Variants in GPC5 observed in about 807,000 individuals in gnomAD.
GPC5 encodes glypican 5.
GPC5 carries 47 observed loss-of-function variants against 53.9 expected under a neutral mutation model. That is an observed-to-expected ratio of 0.87 (90% CI 0.69 to 1.11). The LOEUF (loss-of-function observed/expected upper bound fraction) is 1.11. GPC5 is among the 50% of genes most tolerant of loss of function. The probability of loss-of-function intolerance (pLI) is 0.00; values close to 1 mark genes in which losing one functional copy is unlikely to be tolerated. For missense variants in GPC5, 748 were observed against 713.1 expected (o/e 1.05, Z -0.56); for synonymous variants, 286 against 263.3 (o/e 1.09, Z -0.84).
chr13:91,436,091 G>T (rs935290284), intron 1 of GPC5, among the ~76,000 whole-genome samples: 1 of 151,962 alleles, frequency 6.6e-6, no homozygotes, highest in Admixed American at 6.6e-5. Context: ...TTCTTTATTA[G>T]TCTTGCTAGC....
chr13:92,458,728 G>C (rs547993634), intron 7 of GPC5, among the ~76,000 whole-genome samples: 2 of 152,206 alleles, frequency 1.3e-5, no homozygotes, highest in Admixed American at 1.3e-4. Flanking sequence ...TTGAATCAGA[G>C]CTCTGAGTTT....
chr13:92,402,440 A>G (rs2139338329), intron 7 of GPC5, among the ~76,000 whole-genome samples: 1 of 152,306 alleles, frequency 6.6e-6, no homozygotes, highest in Non-Finnish European at 1.5e-5. Context: ...TTTGAGCCAC[A>G]TTAGTATTTT....
intron 7 of GPC5, among the ~76,000 whole-genome samples, chr13:92,857,707 C>T (rs1239762181): frequency 6.6e-6 from 1 of 151,900 alleles, no homozygotes; most frequent in African/African-American, 2.4e-5. Context: ...AACCAATAAA[C>T]ATATGAAAAA....
rs145943868 is a variant in GPC5 at position 91,704,738 on chromosome 13, G to A, written c.1020+10857G>A. On this transcript the variant is annotated intron_variant, in intron 3 of 7. Transcript: ENST00000377067. ...TCAATAGTCATATTACATGATCCTC[G>A]GAGTAAGGACTAAGCTCTGTAGGCC... is the stretch of plus-strand genomic sequence containing the variant. Among the ~76,000 whole-genome samples the A allele has an allele frequency of 2.0e-3, 298 of 152,298 alleles. 1 individual carries two copies. The highest frequency in any genetic ancestry group is 6.6e-3 in the African/African-American group (276 of 41,564).
intron 2 of GPC5, among the ~76,000 whole-genome samples, chr13:91,514,217 T>C (rs978351549): frequency 2.0e-5 from 3 of 152,164 alleles, no homozygotes; most frequent in Admixed American, 2.0e-4. Context: ...TTATAAGAAA[T>C]TACAAATTTT....
rs80345709 is a variant in GPC5, at chr13:91,735,240, T to C, written c.1154+6575T>C. ...TGGTTTTTTCTCTTATTATACATAA[T>C]ACATAGGGAATATATCTGTATATAT... is the stretch of plus-strand genomic sequence containing the variant. On this transcript the variant is annotated intron_variant, in intron 4 of 7. Transcript: ENST00000377067. Among the ~76,000 whole-genome samples, 210 of 151,350 alleles carry C rather than the reference T, an allele frequency of 1.4e-3. 11 individuals carry two copies. The highest frequency in any genetic ancestry group is 4.9e-3 in the African/African-American group (199 of 40,740).
intron 7 of GPC5, among the ~76,000 whole-genome samples, chr13:92,237,028 C>T (rs190652588): frequency 6.6e-6 from 1 of 151,932 alleles, no homozygotes; most frequent in Non-Finnish European, 1.5e-5. Context: ...GGTTGCATAT[C>T]ACAATATTAA....
chr13:92,524,213 C>T (rs1424476768), intron 7 of GPC5, among the ~76,000 whole-genome samples: 1 of 152,010 alleles, frequency 6.6e-6, no homozygotes, highest in African/African-American at 2.4e-5. Flanking sequence ...CCTTTCAAAC[C>T]ACATCTCTCC....
intron 7 of GPC5, among the ~76,000 whole-genome samples, chr13:92,731,430 A>C (rs570479533): frequency 7.9e-4 from 120 of 151,588 alleles, no homozygotes; most frequent in Non-Finnish European, 1.7e-3. Flanking sequence ...AAATATATTC[A>C]TGAACATATA....
intron 2 of GPC5, among the ~76,000 whole-genome samples, chr13:91,610,148 A>G (rs78393698): frequency 0.011 from 1,711 of 152,330 alleles, 26 homozygotes; most frequent in Middle Eastern, 0.044. Flanking sequence ...GACAGTGGAT[A>G]TATCTAAAGT....
chr13:92,773,281 C>T (rs1875677272), intron 7 of GPC5, among the ~76,000 whole-genome samples: 1 of 152,122 alleles, frequency 6.6e-6, no homozygotes, highest in Non-Finnish European at 1.5e-5. Context: ...CTAATAATCT[C>T]ATAATGGCAG....
chr13:92,629,515 G>C (rs995541), intron 7 of GPC5, among the ~76,000 whole-genome samples: 66,825 of 151,944 alleles, frequency 0.44, 15,419 homozygotes, highest in East Asian at 0.69. Context: ...AACTTGTACT[G>C]TCATAAATAA....
chr13:91,437,454 T>G (rs1416011620), intron 1 of GPC5, among the ~76,000 whole-genome samples: 1 of 152,190 alleles, frequency 6.6e-6, no homozygotes, highest in Non-Finnish European at 1.5e-5. Flanking sequence ...GAAGCTTAGT[T>G]TGGTTGGATA....
intron 6 of GPC5, among the ~76,000 whole-genome samples, chr13:92,125,407 C>T (rs1239278317): frequency 6.6e-6 from 1 of 151,962 alleles, no homozygotes; most frequent in East Asian, 1.9e-4. Context: ...GAGATAATGA[C>T]AGAAAAGAAT....
At chr13:92,083,755 C>T (rs2041315091) in intron 6 of GPC5, among the ~76,000 whole-genome samples, 1 of 152,132 alleles carries the variant, frequency 6.6e-6, no homozygotes, top group Non-Finnish European at 1.5e-5. Context: ...TAGGAATTGC[C>T]ACACTGTCTT....
intron 6 of GPC5, among the ~76,000 whole-genome samples, chr13:92,124,558 A>G (rs2138951093): frequency 6.6e-6 from 1 of 152,352 alleles, no homozygotes; most frequent in Non-Finnish European, 1.5e-5. Context: ...GAATGAGGAA[A>G]GTGGAAATTG....
At chr13:92,021,506 A>C (rs2040758064) in intron 6 of GPC5, among the ~76,000 whole-genome samples, 1 of 152,178 alleles carries the variant, frequency 6.6e-6, no homozygotes, top group African/African-American at 2.4e-5. Context: ...AGTGGGTATA[A>C]ACTTTCAGTC....
chr13:92,665,530 G>T (rs1055072781), intron 7 of GPC5, among the ~76,000 whole-genome samples: 30 of 152,218 alleles, frequency 2.0e-4, no homozygotes, highest in African/African-American at 7.2e-4. Flanking sequence ...CATTATTTCT[G>T]CTTTCTCTGA....
intron 1 of GPC5, among the ~76,000 whole-genome samples, chr13:91,447,500 G>C (rs182629477): frequency 1.6e-4 from 24 of 152,162 alleles, no homozygotes; most frequent in African/African-American, 5.3e-4. Context: ...TTTGTTATTT[G>C]TCTGACTTAA....
Sources: gnomAD v4.1 joint callset for allele counts (sites outside exome capture counted in the v4.1 genomes callset) on GRCh38, gnomAD v4.1.1 for gene constraint, MANE v1.5 for transcripts, NCBI Gene and HGNC (gene_info 2026-07-23, HGNC 2026-07-21) for gene names.